The following CMTM7 variants were observed in gnomAD, a reference collection of about 807,000 sequenced individuals.
CMTM7 encodes CKLF like MARVEL transmembrane domain containing 7, also known as CKLF-like MARVEL transmembrane domain-containing protein 7.
CMTM7 carries 7 observed loss-of-function variants against 19.3 expected under a neutral mutation model. The ratio of observed to expected loss-of-function variants is 0.36; its 90% CI spans 0.21 to 0.68. The LOEUF is 0.68. Among genes scored for constraint, CMTM7 ranks in the 30% least tolerant of loss-of-function variants. CMTM7 has a pLI of 0.60. For missense variants in CMTM7, 193 were observed against 232.6 expected (o/e 0.83, Z 1.11); for synonymous variants, 87 against 99.3 (o/e 0.88, Z 0.74).
At chr3:32,392,200 C>T (rs566333202) in intron 1 of CMTM7, 135 bp downstream of exon 1, 2 of 684,068 alleles carry the variant, frequency 2.9e-6, no homozygotes, top group Non-Finnish European at 4.1e-6. Context: ...GGCACCGCGT[C>T]GCTAAAGTTC....
chr3:32,439,315 C>A (rs1696643238), intron 1 of CMTM7, among the ~76,000 whole-genome samples: 2 of 152,182 alleles, frequency 1.3e-5, no homozygotes, highest in African/African-American at 2.4e-5. Flanking sequence ...CTTCAAGCTT[C>A]CAGCTGAGAG....
rs536419175 is a variant in CMTM7, at chr3:32,397,933, G to A, written c.159+5868G>A. On this transcript the variant is annotated intron_variant, in intron 1 of 4. Coordinates refer to ENST00000334983, the MANE Select transcript of CMTM7 (RefSeq NM_138410.4). ...AAATTGGCTGCTCAGGAAGGTAAAC[G>A]TTCTGATAGTTGCCCACCTTATGGA... Among the ~76,000 whole-genome samples, 25 of 152,224 alleles carry A rather than the reference G, an allele frequency of 1.6e-4. No individual in the cohort carries two copies. In the South Asian group the frequency reaches 4.8e-3, roughly 29 times the overall value.
chr3:32,446,246 T>C (rs1337195200), intron 2 of CMTM7, among the ~76,000 whole-genome samples: 2 of 152,212 alleles, frequency 1.3e-5, no homozygotes, highest in African/African-American at 4.8e-5. Context: ...AGTATATATG[T>C]CTAGGAATTT....
chr3:32,424,293 T>A (rs554267389), intron 1 of CMTM7, among the ~76,000 whole-genome samples: 2 of 151,978 alleles, frequency 1.3e-5, no homozygotes, highest in Non-Finnish European at 2.9e-5. Flanking sequence ...AGCCTGAGAG[T>A]GCGGACCAGA....
chr3:32,419,683 G>A (rs1005939021), intron 1 of CMTM7, among the ~76,000 whole-genome samples: 1 of 152,166 alleles, frequency 6.6e-6, no homozygotes, highest in Non-Finnish European at 1.5e-5. Context: ...ATATACATTT[G>A]AAACATTTGG....
chr3:32,404,152 C>CTTTTTTTTTTTT (rs869206404), intron 1 of CMTM7, among the ~76,000 whole-genome samples: 1 of 131,994 alleles, frequency 7.6e-6, no homozygotes, highest in Non-Finnish European at 1.6e-5. Context: ...CTTTTTTTTT[C>CTTTTTTTTTTTT]TTTTTTTTTC....
chr3:32,416,411 G>T (rs1256798845), intron 1 of CMTM7, among the ~76,000 whole-genome samples: 2 of 79,498 alleles, frequency 2.5e-5, no homozygotes, highest in Non-Finnish European at 4.4e-5. Context: ...ACGGAGTCTC[G>T]CTCTGTCCCC....
intron 1 of CMTM7, among the ~76,000 whole-genome samples, chr3:32,432,302 G>C (rs754054005): frequency 3.3e-5 from 5 of 152,144 alleles, no homozygotes; most frequent in African/African-American, 1.2e-4. Context: ...CCCACCACAG[G>C]CTTCCCAAAT....
chr3:32,409,130 C>G (rs1180839758), intron 1 of CMTM7, among the ~76,000 whole-genome samples: 1 of 152,140 alleles, frequency 6.6e-6, no homozygotes, highest in Non-Finnish European at 1.5e-5. Context: ...ATACGCCCGC[C>G]TGGGCCTCCC....
At chr3:32,402,206 G>C (rs1200702016) in intron 1 of CMTM7, among the ~76,000 whole-genome samples, 1 of 152,084 alleles carries the variant, frequency 6.6e-6, no homozygotes, top group Non-Finnish European at 1.5e-5. Context: ...CCTCCTCCCG[G>C]GTTAAAATGA....
intron 1 of CMTM7, among the ~76,000 whole-genome samples, chr3:32,396,325 G>A (rs1695917541): frequency 2.0e-5 from 3 of 152,144 alleles, no homozygotes; most frequent in South Asian, 2.1e-4. Context: ...GGCCAATATG[G>A]TGAAGCCCTG....
chr3:32,430,081 C>A (rs1559410022), intron 1 of CMTM7, among the ~76,000 whole-genome samples: 2 of 152,122 alleles, frequency 1.3e-5, no homozygotes, highest in Admixed American at 6.5e-5. Flanking sequence ...TATTGAGATA[C>A]AACTTAATAT....
chr3:32,430,140 AACTGATAGAGTTGTGCAGCCATC>A (rs2125634545), intron 1 of CMTM7, among the ~76,000 whole-genome samples: 1 of 152,278 alleles, frequency 6.6e-6, no homozygotes, highest in African/African-American at 2.4e-5. Context: ...ATTTTTAGTA[AACTGATAGAGTTGTGCAGCCATC>A]ACTGTAATCC....
At chr3:32,420,402 G>T (rs1161878336) in intron 1 of CMTM7, among the ~76,000 whole-genome samples, 1 of 152,226 alleles carries the variant, frequency 6.6e-6, no homozygotes, top group Non-Finnish European at 1.5e-5. Flanking sequence ...AGCCTAACAG[G>T]TTATTTTTAA....
At chr3:32,452,248 G>C (rs1176414979) in intron 3 of CMTM7, 144 bp from the exon 4 acceptor site, 2 of 1,550,668 alleles carry the variant, frequency 1.3e-6, no homozygotes, top group African/African-American at 2.7e-5. Flanking sequence ...GATCCAGGAT[G>C]AGGTGGTTGG....
At chr3:32,425,983 TAAA>T (rs1297534177) in intron 1 of CMTM7, among the ~76,000 whole-genome samples, 1 of 152,044 alleles carries the variant, frequency 6.6e-6, no homozygotes, top group African/African-American at 2.4e-5. Context: ...CCATCTCTAC[TAAA>T]AATATGAAAT....
Position 32,391,870 on chromosome 3 carries a change from C to T in CMTM7, c.-37C>T. The T allele has an allele frequency of 1.7e-6, 2 of 1,199,112 alleles. No individual in the cohort carries two copies. The highest frequency in any genetic ancestry group is 3.3e-4 in the Middle Eastern group (1 of 3,020). The allele number at this position is 1,199,112 out of a possible 1,614,324, so 74.3% of individuals were successfully genotyped here. On this transcript the variant is annotated 5_prime_UTR_variant, in exon 1 of 5. Transcript: ENST00000334983. ...CCCTCTGTATCTGGCCCCTGGGCAG[C>T]TGCCCGGGGAGGCGGCCAGCGAGCT...
rs545666544 is a variant in CMTM7 at position 32,420,930 on chromosome 3, G to A, written c.160-20910G>A. ...GTTGTCAACAATCTGAGGCAGCCAA[G>A]CCAGCCAGGGAAGTTTTTTTGTTGG... On this transcript the variant is annotated intron_variant, in intron 1 of 4. Coordinates refer to ENST00000334983, the MANE Select transcript of CMTM7 (RefSeq NM_138410.4). Among the ~76,000 whole-genome samples the A allele has an allele frequency of 3.9e-5, 6 of 152,282 alleles. No homozygotes were observed. The East Asian group carries it at 9.6e-4, about 24-fold the overall frequency.
chr3:32,420,787 G>A (rs541729127), intron 1 of CMTM7, among the ~76,000 whole-genome samples: 26 of 152,298 alleles, frequency 1.7e-4, no homozygotes, highest in African/African-American at 6.3e-4. Context: ...AACTGGGTCT[G>A]GGGGCAGGAG....
Sources: gnomAD v4.1 joint callset for allele counts (sites outside exome capture counted in the v4.1 genomes callset) on GRCh38, gnomAD v4.1.1 for gene constraint, MANE v1.5 for transcripts, NCBI Gene and HGNC (gene_info 2026-07-23, HGNC 2026-07-21) for gene names.